Variants in DKK2 observed in about 807,000 individuals in gnomAD.
The protein encoded by DKK2 is dickkopf Wnt signaling pathway inhibitor 2.
A neutral mutation model predicts 28.1 loss-of-function variants in DKK2; 11 were observed. The observed-to-expected ratio is 0.39, with a 90% CI of 0.25 to 0.65. DKK2 has a LOEUF of 0.65. DKK2 is among the 30% of genes least tolerant of loss of function. The probability of loss-of-function intolerance (pLI) is 0.47; values close to 1 mark genes in which losing one functional copy is unlikely to be tolerated. For synonymous variants in DKK2, 135 were observed against 126.5 expected, an observed-to-expected ratio of 1.07 and a Z score of -0.45; for missense variants, 326 against 335.5, an observed-to-expected ratio of 0.97 and a Z score of 0.22.
intron 1 of DKK2, among the ~76,000 whole-genome samples, chr4:107,027,320 C>A (rs1348841365): frequency 3.9e-5 from 6 of 152,064 alleles, no homozygotes; most frequent in African/African-American, 1.4e-4. Flanking sequence ...AGTCCATTAC[C>A]AGATAGAAAC....
At chr4:107,010,087 G>A (rs551215537) in intron 1 of DKK2, among the ~76,000 whole-genome samples, 2 of 151,620 alleles carry the variant, frequency 1.3e-5, no homozygotes, top group Non-Finnish European at 3.0e-5. Flanking sequence ...AAAAATTGTG[G>A]GTTTTTTCCT....
At position 106,923,945 on chromosome 4, in the gene DKK2, C is replaced by G. The variant is rs1401996441; in HGVS notation, c.*9G>C. On this transcript the variant is annotated 3_prime_UTR_variant, in exon 4 of 4. Coordinates refer to ENST00000285311, the MANE Select transcript of DKK2 (RefSeq NM_014421.3). ...ACAGTCTGCAATTGATGATGTTCCT[C>G]AATGGTGATCAAATTTTCTGACACA... The G allele has an allele frequency of 6.2e-7, 1 of 1,612,796 alleles. No individual in the cohort carries two copies. Among genetic ancestry groups the G allele is most frequent in the African/African-American group, 1.3e-5 (1 of 74,886 alleles).
intron 1 of DKK2, among the ~76,000 whole-genome samples, chr4:107,000,447 G>T (rs909322972): frequency 1.3e-5 from 2 of 152,082 alleles, no homozygotes; most frequent in East Asian, 1.9e-4. Flanking sequence ...ACTACTTTTA[G>T]CACATGCAAC....
At chr4:107,021,856 CCTGA>C (rs1364485678) in intron 1 of DKK2, among the ~76,000 whole-genome samples, 2 of 152,062 alleles carry the variant, frequency 1.3e-5, no homozygotes, top group Admixed American at 6.6e-5. Flanking sequence ...CAGATCTTTT[CCTGA>C]CTGTTTGTGG....
At chr4:106,997,614 C>CA (rs1723294774) in intron 1 of DKK2, among the ~76,000 whole-genome samples, 1 of 151,974 alleles carries the variant, frequency 6.6e-6, no homozygotes, top group Non-Finnish European at 1.5e-5. Flanking sequence ...CAATTTCATC[C>CA]AAAAAAAGTT....
chr4:106,962,681 C>G (rs1245226437), intron 1 of DKK2, among the ~76,000 whole-genome samples: 1 of 151,896 alleles, frequency 6.6e-6, no homozygotes, highest in Non-Finnish European at 1.5e-5. Context: ...GGAAACACTC[C>G]AAGACATTTG....
At chr4:107,023,570 T>C (rs1194011161) in intron 1 of DKK2, among the ~76,000 whole-genome samples, 1 of 152,104 alleles carries the variant, frequency 6.6e-6, no homozygotes, top group African/African-American at 2.4e-5. Flanking sequence ...ATAAATGTCA[T>C]TATACATTTA....
chr4:106,951,876 G>A (rs552490563), intron 1 of DKK2, among the ~76,000 whole-genome samples: 28 of 152,056 alleles, frequency 1.8e-4, no homozygotes, highest in African/African-American at 6.3e-4. Context: ...TAATAGATAC[G>A]TCTACCATTT....
Position 107,035,664 on chromosome 4 carries a change from A to C in DKK2, c.-73T>G. On this transcript the variant is annotated 5_prime_UTR_variant, in exon 1 of 4. Transcript: ENST00000285311. ...GAATGCAAAGGGAGGGAGGACCCCA[A>C]CACGGGGCCCCTCACTTGGGTCGCG... 1 of 1,545,024 alleles carries C rather than the reference A, an allele frequency of 6.5e-7. No homozygotes were observed. The highest frequency in any genetic ancestry group is 8.8e-7 in the Non-Finnish European group (1 of 1,132,716).
chr4:107,014,522 G>T (rs1723562763), intron 1 of DKK2, among the ~76,000 whole-genome samples: 1 of 151,340 alleles, frequency 6.6e-6, no homozygotes, highest in South Asian at 2.1e-4. Flanking sequence ...GGAGGGGCTG[G>T]TCATGGGGTA....
intron 1 of DKK2, among the ~76,000 whole-genome samples, chr4:106,983,380 G>GAAAGAAAGAAAGAAAGA (rs1560585877): frequency 3.4e-5 from 5 of 147,932 alleles, no homozygotes; most frequent in African/African-American, 1.3e-4. Flanking sequence ...AGAAAGAAAA[G>GAAAGAAAGAAAGAAAGA]AAAGAAAAGA....
At chr4:106,928,653 T>C (rs992867437) in intron 1 of DKK2, among the ~76,000 whole-genome samples, 9 of 152,140 alleles carry the variant, frequency 5.9e-5, no homozygotes, top group Non-Finnish European at 1.3e-4. Flanking sequence ...CTGAAATCCA[T>C]GTCCCTTAGC....
intron 1 of DKK2, among the ~76,000 whole-genome samples, chr4:106,927,769 A>T (rs1469614714): frequency 4.6e-5 from 7 of 152,308 alleles, no homozygotes; most frequent in African/African-American, 1.4e-4. Context: ...TTAATGAAAT[A>T]CAATTCACAT....
At chr4:107,008,059 C>T (rs1333912422) in intron 1 of DKK2, among the ~76,000 whole-genome samples, 3 of 152,092 alleles carry the variant, frequency 2.0e-5, no homozygotes, top group Admixed American at 2.0e-4. Flanking sequence ...TATGTCCCAG[C>T]TTATGTTTCA....
intron 1 of DKK2, among the ~76,000 whole-genome samples, chr4:106,963,894 A>G (rs1722729288): frequency 6.6e-6 from 1 of 152,190 alleles, no homozygotes; most frequent in South Asian, 2.1e-4. Context: ...TCTTCTGCAT[A>G]TGTATACCCG....
At chr4:106,967,555 C>A (rs1722800895) in intron 1 of DKK2, among the ~76,000 whole-genome samples, 1 of 152,064 alleles carries the variant, frequency 6.6e-6, no homozygotes, top group African/African-American at 2.4e-5. Context: ...CAGAGATTGG[C>A]CTTTGCCCTG....
At chr4:106,983,820 T>TAAG (rs1472895882) in intron 1 of DKK2, among the ~76,000 whole-genome samples, 1 of 152,212 alleles carries the variant, frequency 6.6e-6, no homozygotes, top group South Asian at 2.1e-4. Flanking sequence ...ACATTTCATC[T>TAAG]AAGAAGATAT....
chr4:106,950,811 G>A (rs1294746214), intron 1 of DKK2, among the ~76,000 whole-genome samples: 1 of 152,094 alleles, frequency 6.6e-6, no homozygotes, highest in Non-Finnish European at 1.5e-5. Context: ...TAATCCATAA[G>A]TGTACACATT....
At chr4:106,965,886 T>A (rs1056899250) in intron 1 of DKK2, among the ~76,000 whole-genome samples, 3 of 150,426 alleles carry the variant, frequency 2.0e-5, no homozygotes, top group South Asian at 2.1e-4. Context: ...GAGAATGATG[T>A]TTTCCAATTT....
Sources: allele counts gnomAD v4.1 joint callset (sites outside exome capture counted in the v4.1 genomes callset), GRCh38; gene constraint gnomAD v4.1.1; transcripts MANE v1.5; gene names NCBI Gene and HGNC (gene_info 2026-07-23, HGNC 2026-07-21).